TTLL8: variants seen among roughly 807,000 people sequenced by gnomAD.
The protein encoded by TTLL8 is protein monoglycylase TTLL8.
TTLL8 carries 65 observed loss-of-function variants against 77.8 expected under a neutral mutation model. The ratio of observed to expected loss-of-function variants is 0.84; its 90% CI spans 0.68 to 1.03. TTLL8 has a LOEUF of 1.03. TTLL8 is among the 50% of genes least tolerant of loss of function. TTLL8 has a pLI of 0.00. For missense variants in TTLL8, 910 were observed against 1,004.5 expected, an observed-to-expected ratio of 0.91 and a Z score of 1.27; for synonymous variants, 402 against 422.8, an observed-to-expected ratio of 0.95 and a Z score of 0.60.
In TTLL8 at chr22:50,041,482, G is replaced by T. The variant is rs1048736511; in HGVS notation, c.830+139C>A. On this transcript the variant is annotated intron_variant, in intron 7 of 13. Transcript: ENST00000266182. This position sits in a 1 kb window ranked among gnomAD's most constrained non-coding sequence, Gnocchi z 4.3. Reference sequence around the variant, plus strand: ...GACAGGAGCCCCAACGCCAGGACAGGCATCTCAACACTCAATACCCCACAG... The same window carrying T: ...GACAGGAGCCCCAACGCCAGGACAGTCATCTCAACACTCAATACCCCACAG... The T allele has an allele frequency of 5.0e-6, 6 of 1,202,198 alleles. No individual in the cohort carries two copies. Among genetic ancestry groups the T allele is most frequent in the Non-Finnish European group, 6.4e-6 (6 of 942,454 alleles). The allele number at this position is 1,202,198 out of a possible 1,614,324, so 74.5% of individuals were successfully genotyped here.
intron 8 of TTLL8, among the ~76,000 whole-genome samples, chr22:50,038,753 A>C (rs902309960): frequency 3.3e-5 from 5 of 152,120 alleles, no homozygotes; most frequent in Non-Finnish European, 5.9e-5. Context: ...TTGAGGTTGC[A>C]GTGAGCTATG....
At chr22:50,042,373 A>C (rs1194390129) in intron 6 of TTLL8, among the ~76,000 whole-genome samples, 2 of 152,108 alleles carry the variant, frequency 1.3e-5, no homozygotes, top group Non-Finnish European at 2.9e-5. Context: ...CTGGATGGCA[A>C]GATCTTGGCT....
chr22:50,043,771 G>T (rs977016488), intron 6 of TTLL8, among the ~76,000 whole-genome samples: 1 of 152,134 alleles, frequency 6.6e-6, no homozygotes, highest in African/African-American at 2.4e-5. Flanking sequence ...ATCTGAAAAC[G>T]CTCCATGCTA....
chr22:50,020,739 T>C (rs1387821211), intron 12 of TTLL8, among the ~76,000 whole-genome samples: 2 of 146,486 alleles, frequency 1.4e-5, no homozygotes, highest in Non-Finnish European at 1.5e-5. Context: ...CTCCATCTGA[T>C]GTGCATTCCT....
At chr22:50,033,076 C>A (rs1601916826) in intron 10 of TTLL8, 126 bp downstream of exon 11, 1 of 1,165,148 alleles carries the variant, frequency 8.6e-7, no homozygotes, top group East Asian at 5.9e-5. Context: ...CCCATCTGTG[C>A]CTCTCGTGGT....
rs370248451 is a variant in TTLL8 at position 50,044,928 on chromosome 22, C to T, written c.643+327G>A. Among the ~76,000 whole-genome samples, 7 of 152,236 alleles carry T rather than the reference C, an allele frequency of 4.6e-5. No homozygotes were observed. Among genetic ancestry groups the T allele is most frequent in the East Asian group, 3.9e-4 (2 of 5,170 alleles). The stretch of plus-strand genomic sequence containing the variant: ...TTTGGGGAGACTCAGGCTGCGGCAT[C>T]GTGGTGGCCGTGGGGTGGGGCAGGC... On this transcript the variant is annotated intron_variant, in intron 6 of 13. Coordinates refer to ENST00000266182, the Ensembl canonical transcript of TTLL8. The surrounding 1 kb of genome is among the most constrained non-coding windows in gnomAD (Gnocchi z 4.2).
upstream of TTLL8, chr22:50,057,066 G>A: frequency 2.2e-6 from 2 of 901,904 alleles, no homozygotes; most frequent in South Asian, 2.8e-5. Flanking sequence ...TGAGGGTCAG[G>A]TCTGGGGTTG....
In TTLL8 at chr22:50,020,446, C is replaced by T. The variant is rs537005697; in HGVS notation, c.2204-3884G>A. 6.3e-5 allele frequency among the ~76,000 whole-genome samples: 9 copies of T among 142,170 alleles called. No individual in the cohort carries two copies. The South Asian group carries it at 7.2e-4, about 11-fold the overall frequency. 93.3% of individuals were successfully genotyped at this position (142,170 alleles called of 152,430 possible). A position where few individuals can be genotyped will look rare whatever the true frequency, so the allele number is the denominator to read the frequency against. On this transcript the variant is annotated intron_variant, in intron 12 of 13. Transcript: ENST00000266182. ...ATCTGACGTGCACTACTCCATCTGACGAAATGCACTCCTCCATCAGATGAT... is the reference window on the plus strand; with the variant it reads ...ATCTGACGTGCACTACTCCATCTGATGAAATGCACTCCTCCATCAGATGAT...
chr22:50,032,817 C>T (rs945028009), intron 10 of TTLL8, among the ~76,000 whole-genome samples: 9 of 152,172 alleles, frequency 5.9e-5, no homozygotes, highest in African/African-American at 1.9e-4. Flanking sequence ...GGTGGGGGTC[C>T]ATCCACCCTG....
chr22:50,027,880 G>T, intron 12 of TTLL8: 2 of 871,040 alleles, frequency 2.3e-6, no homozygotes, highest in Non-Finnish European at 2.8e-6. Flanking sequence ...GCCTGACCGC[G>T]AAACGCTCGT....
chr22:50,031,541 G>C, intron 11 of TTLL8, 145 bp downstream of exon 12: 3 of 1,182,218 alleles, frequency 2.5e-6, no homozygotes, highest in Non-Finnish European at 2.1e-6. Context: ...CAGCGGGACC[G>C]AGCATGGTCA....
upstream of TTLL8, among the ~76,000 whole-genome samples, chr22:50,057,227 G>A (rs79998483): frequency 0.11 from 15,626 of 143,374 alleles, 1,193 homozygotes; most frequent in East Asian, 0.21. Context: ...CTGGGGTTGG[G>A]GATCAGGTCT....
rs771903189 is a variant in TTLL8, at chr22:50,044,423, G to A, written c.643+832C>T. Reference sequence around the variant, plus strand: ...CCTAACTCAGAATTGAAAACGGAATGTAAGCACAGCCAATCACAGGCAGCC... The same window carrying A: ...CCTAACTCAGAATTGAAAACGGAATATAAGCACAGCCAATCACAGGCAGCC... On this transcript the variant is annotated intron_variant, in intron 6 of 13. Coordinates refer to ENST00000266182, the Ensembl canonical transcript of TTLL8. This position sits in a 1 kb window ranked among gnomAD's most constrained non-coding sequence, Gnocchi z 4.2. Among the ~76,000 whole-genome samples the A allele has an allele frequency of 6.6e-6, 1 of 152,174 alleles. No homozygotes were observed. The highest frequency in any genetic ancestry group is 1.5e-5 in the Non-Finnish European group (1 of 68,040).
chr22:50,039,712 G>C (rs769932908), intron 8 of TTLL8, among the ~76,000 whole-genome samples: 2 of 151,822 alleles, frequency 1.3e-5, no homozygotes, highest in Non-Finnish European at 2.9e-5. Context: ...ATGTGTGTCA[G>C]TGTGGACAGA....
At chr22:50,053,429 A>G (rs900355534) in intron 1 of TTLL8, among the ~76,000 whole-genome samples, 1 of 152,226 alleles carries the variant, frequency 6.6e-6, no homozygotes, top group African/African-American at 2.4e-5. Flanking sequence ...TTTAAGTAAC[A>G]TGAACTGTAA....
chr22:50,047,133 C>G (rs1365812324), intron 4 of TTLL8, 35 bp downstream of exon 6: 2 of 1,364,266 alleles, frequency 1.5e-6, no homozygotes, highest in Admixed American at 3.8e-5. Flanking sequence ...ACCACCCTTG[C>G]CGGCTCCCGC....
rs368034791 is a variant in TTLL8, at chr22:50,050,193, G to A, written c.106C>T (p.Arg36Ter). The A allele has an allele frequency of 2.9e-6, 4 of 1,362,860 alleles. No homozygotes were observed. The highest frequency in any genetic ancestry group is 2.3e-5 in the South Asian group (2 of 86,708). The allele number at this position is 1,362,860 out of a possible 1,614,324, so 84.4% of individuals were successfully genotyped here. Residue 36 changes from arginine (R) to a stop codon, truncating the protein, a stop_gained, in exon 2 of 14, where the codon CGA becomes TGA. Transcript: ENST00000266182. LOFTEE classifies it high-confidence loss of function. Reference sequence around the variant, plus strand: ...TTCTTCTCTACCCAGCCCTTCCTTCGCAGAGCGGCCCGGACCACCGGGTAG... The same window carrying A: ...TTCTTCTCTACCCAGCCCTTCCTTCACAGAGCGGCCCGGACCACCGGGTAG...
At chr22:50,047,026 C>T (rs1379695315) in intron 4 of TTLL8, 142 bp downstream of exon 6, 22 of 1,162,952 alleles carry the variant, frequency 1.9e-5, no homozygotes, top group Middle Eastern at 3.9e-4. Context: ...ATTCTGGCCA[C>T]GGCCTTAGAC....
At chr22:50,022,526 T>A (rs1224707486) in intron 12 of TTLL8, among the ~76,000 whole-genome samples, 7 of 151,672 alleles carry the variant, frequency 4.6e-5, no homozygotes, top group African/African-American at 1.7e-4. Context: ...TACTCCTCCA[T>A]CTGACATGCA....
Sources: allele counts gnomAD v4.1 joint callset (sites outside exome capture counted in the v4.1 genomes callset), GRCh38; gene constraint gnomAD v4.1.1; non-coding constraint Gnocchi (gnomAD v3.1); transcripts MANE v1.5; gene names NCBI Gene and HGNC (gene_info 2026-07-23, HGNC 2026-07-21).